EPB41L4A: variants seen among roughly 807,000 people sequenced by gnomAD.
EPB41L4A encodes the protein erythrocyte membrane protein band 4.1 like 4A, also known as band 4.1-like protein 4A.
Under a neutral mutation model 108.6 loss-of-function variants are expected in EPB41L4A, and 100 were observed. The observed-to-expected ratio is 0.92, with a 90% CI of 0.78 to 1.09. The LOEUF (loss-of-function observed/expected upper bound fraction) is 1.09, where lower values mean the gene tolerates loss of function less well. EPB41L4A is among the 50% of genes least tolerant of loss of function. The pLI, the probability that EPB41L4A is intolerant of heterozygous loss-of-function variation, is 0.00. For missense variants in EPB41L4A, 1,030 were observed against 842.7 expected, an observed-to-expected ratio of 1.22 and a Z score of -2.75; for synonymous variants, 319 against 289.0, an observed-to-expected ratio of 1.10 and a Z score of -1.05.
downstream of EPB41L4A, chr5:112,161,830 A>G (rs1342118822): frequency 6.8e-6 from 2 of 295,552 alleles, no homozygotes; most frequent in Non-Finnish European, 1.3e-5. Flanking sequence ...CACCTTTTAA[A>G]TTGGGGTTCC....
chr5:112,176,373 C>T (rs1291391730), intron 18 of EPB41L4A, among the ~76,000 whole-genome samples: 1 of 152,138 alleles, frequency 6.6e-6, no homozygotes, highest in African/African-American at 2.4e-5. Context: ...TTAAGAGTTA[C>T]AACATTTGTA....
At chr5:112,247,272 G>T (rs1283113623) in intron 9 of EPB41L4A, among the ~76,000 whole-genome samples, 1 of 152,112 alleles carries the variant, frequency 6.6e-6, no homozygotes, top group Non-Finnish European at 1.5e-5. Flanking sequence ...GTGTTTTTAA[G>T]GGCACTGAAT....
chr5:112,210,896 AG>A (rs965909580), intron 12 of EPB41L4A, among the ~76,000 whole-genome samples: 2 of 152,060 alleles, frequency 1.3e-5, no homozygotes, highest in African/African-American at 2.4e-5. Context: ...CTACTCCTGC[AG>A]GGGTAATAGT....
exon 14 of EPB41L4A, chr5:112,142,596 GATTT>G (rs1454704306): frequency 6.6e-6 from 1 of 152,156 alleles, no homozygotes; most frequent in Non-Finnish European, 1.5e-5. Context: ...TCTAAGAACA[GATTT>G]ATTTTAGAAA....
At chr5:112,394,854 G>A (rs1227125859) in intron 1 of EPB41L4A, among the ~76,000 whole-genome samples, 2 of 152,152 alleles carry the variant, frequency 1.3e-5, no homozygotes, top group Non-Finnish European at 2.9e-5. Flanking sequence ...ATACTACAAG[G>A]CTACAGTAAC....
At chr5:112,153,300 C>T (rs372579327) in intron 12 of EPB41L4A, among the ~76,000 whole-genome samples, 12 of 151,658 alleles carry the variant, frequency 7.9e-5, no homozygotes, top group African/African-American at 2.4e-4. Flanking sequence ...CCAAGGCGGG[C>T]GGATCACGAG....
intron 1 of EPB41L4A, among the ~76,000 whole-genome samples, chr5:112,344,952 T>C (rs79443193): frequency 0.044 from 6,740 of 152,336 alleles, 389 homozygotes; most frequent in African/African-American, 0.13. Flanking sequence ...TATCTTAACA[T>C]AGTGCCTGCC....
rs115539565 is a variant in EPB41L4A, at chr5:112,411,410, G to A, written c.99+7531C>T. 4.5e-3 allele frequency among the ~76,000 whole-genome samples: 692 copies of A among 152,236 alleles called. 14 individuals carry two copies. The highest frequency in any genetic ancestry group is 0.016 in the African/African-American group (663 of 41,530). ...ACCACTCATACCCCTCGGAGAACCT[G>A]TGCAACCTTAGGCAGGGGTGGCAGA... On this transcript the variant is annotated intron_variant, in intron 1 of 22. Transcript: ENST00000261486.
intron 1 of EPB41L4A, among the ~76,000 whole-genome samples, chr5:112,379,367 G>A (rs1001382045): frequency 1.3e-5 from 2 of 152,144 alleles, no homozygotes; most frequent in African/African-American, 4.8e-5. Flanking sequence ...AACAAAGCCT[G>A]AGTATAACAT....
intron 1 of EPB41L4A, among the ~76,000 whole-genome samples, chr5:112,340,473 T>C (rs1757241539): frequency 1.3e-5 from 2 of 152,214 alleles, no homozygotes; most frequent in African/African-American, 4.8e-5. Flanking sequence ...CTTTGGCTTT[T>C]ATCACACTTC....
upstream of EPB41L4A, chr5:112,419,513 C>T: frequency 5.1e-6 from 2 of 389,936 alleles, no homozygotes; most frequent in South Asian, 1.9e-5. Flanking sequence ...GACGTCCTGG[C>T]GTCCGATCGG....
Position 112,419,033 on chromosome 5 carries a change from A to G in EPB41L4A, c.7T>C (p.Cys3Arg). ...AATTCTTCCGGAACAGCGCAGAAAC[A>G]GCCCATGTCGGTTGTGGTCGTCTCC... MG[C>R]FCAVPEEFYC... is the part of the protein sequence containing the mutation. The change falls in exon 1 of 23, where the codon TGT becomes CGT. Residue 3 changes from cysteine to arginine, a missense_variant. By Grantham distance (180) the Cys-to-Arg change is radical. Coordinates refer to ENST00000261486, the MANE Select transcript of EPB41L4A (RefSeq NM_022140.5). 1 of 1,613,136 alleles carries G rather than the reference A, an allele frequency of 6.2e-7. No individual in the cohort carries two copies. Among genetic ancestry groups the G allele is most frequent in the Non-Finnish European group, 8.5e-7 (1 of 1,179,402 alleles).
At chr5:112,418,900 C>A in intron 1 of EPB41L4A, 41 bp downstream of exon 1, 1 of 1,538,508 alleles carries the variant, frequency 6.5e-7, no homozygotes, top group Non-Finnish European at 9.0e-7. Context: ...CCGCACCCGC[C>A]CTGCCGCCAA....
chr5:112,263,181 T>A (rs1751613471), intron 6 of EPB41L4A, among the ~76,000 whole-genome samples: 1 of 152,182 alleles, frequency 6.6e-6, no homozygotes, highest in African/African-American at 2.4e-5. Context: ...TCATTCCTGA[T>A]GAGGGTGAGC....
chr5:112,411,409 T>C (rs1762404617), intron 1 of EPB41L4A, among the ~76,000 whole-genome samples: 1 of 152,170 alleles, frequency 6.6e-6, no homozygotes, highest in Non-Finnish European at 1.5e-5. Context: ...TCGGAGAACC[T>C]GTGCAACCTT....
intron 1 of EPB41L4A, among the ~76,000 whole-genome samples, chr5:112,368,389 C>T (rs1423443377): frequency 6.6e-6 from 1 of 152,092 alleles, no homozygotes; most frequent in African/African-American, 2.4e-5. Flanking sequence ...TCCCCTCTCC[C>T]CTATTGCCAC....
intron 4 of EPB41L4A, among the ~76,000 whole-genome samples, chr5:112,273,985 C>A (rs1752443609): frequency 6.6e-6 from 1 of 152,032 alleles, no homozygotes; most frequent in African/African-American, 2.4e-5. Flanking sequence ...CAGACATCTG[C>A]TTGGTTCTAA....
chr5:112,347,180 G>A (rs1032954795), intron 1 of EPB41L4A, among the ~76,000 whole-genome samples: 3 of 152,100 alleles, frequency 2.0e-5, no homozygotes, highest in African/African-American at 4.8e-5. Context: ...ATGGATGCAC[G>A]CACACACACA....
At chr5:112,247,237 G>A (rs1352234274) in intron 9 of EPB41L4A, among the ~76,000 whole-genome samples, 1 of 152,112 alleles carries the variant, frequency 6.6e-6, no homozygotes, top group Admixed American at 6.5e-5. Context: ...CTTCCCCAGA[G>A]GCAATCACTA....
Sources: gnomAD v4.1 joint callset for allele counts (sites outside exome capture counted in the v4.1 genomes callset) on GRCh38, gnomAD v4.1.1 for gene constraint, MANE v1.5 for transcripts, NCBI Gene and HGNC (gene_info 2026-07-23, HGNC 2026-07-21) for gene names.